Variants in PTPRD observed in about 807,000 individuals in gnomAD.
PTPRD encodes protein tyrosine phosphatase receptor type D, also known as receptor-type tyrosine-protein phosphatase delta.
In PTPRD, 34 loss-of-function variants were observed where a neutral mutation model predicts 214.5. The ratio of observed to expected loss-of-function variants is 0.16; its 90% CI spans 0.12 to 0.21. The LOEUF (loss-of-function observed/expected upper bound fraction) is 0.21. Ranked by LOEUF, PTPRD falls within the 10% of genes least tolerant of loss-of-function variation. The pLI is 1.00. For missense variants in PTPRD, 2,545 were observed against 2,398.7 expected (o/e 1.06, Z -1.27); for synonymous variants, 1,128 against 845.7 (o/e 1.33, Z -5.79).
chr9:10,505,619 G>C (rs1360895), intron 2 of PTPRD, among the ~76,000 whole-genome samples: 53,328 of 151,566 alleles, frequency 0.35, 9,511 homozygotes, highest in Middle Eastern at 0.4. Flanking sequence ...CATACCATGG[G>C]TTAAAGCAAG....
At chr9:9,560,152 G>A (rs889375077) in intron 8 of PTPRD, among the ~76,000 whole-genome samples, 9 of 152,192 alleles carry the variant, frequency 5.9e-5, no homozygotes, top group East Asian at 1.9e-4. Flanking sequence ...TCTCTCAGAC[G>A]TCTTGCACTA....
chr9:9,712,765 A>G (rs1048521646), intron 7 of PTPRD, among the ~76,000 whole-genome samples: 7 of 152,214 alleles, frequency 4.6e-5, no homozygotes, highest in Non-Finnish European at 8.8e-5. Flanking sequence ...TTAAAACTCA[A>G]TAATATGCCA....
At chr9:9,094,865 A>C (rs1314682684) in intron 10 of PTPRD, among the ~76,000 whole-genome samples, 1 of 152,202 alleles carries the variant, frequency 6.6e-6, no homozygotes, top group African/African-American at 2.4e-5. Context: ...AGGCAAAGAC[A>C]TCACAGGAAA....
chr9:9,187,538 C>G (rs1200161889), intron 9 of PTPRD, among the ~76,000 whole-genome samples: 1 of 151,922 alleles, frequency 6.6e-6, no homozygotes, highest in African/African-American at 2.4e-5. Context: ...GCTTGGCAAA[C>G]ATGTTAGATT....
At chr9:10,363,991 G>GTTTTTGTT (rs1555222212) in intron 2 of PTPRD, among the ~76,000 whole-genome samples, 732 of 35,098 alleles carry the variant, frequency 0.021, 124 homozygotes, top group Non-Finnish European at 0.032. Context: ...ACATTTTCGG[G>GTTTTTGTT]TTTTTTTTTT....
At chr9:8,500,507 C>T (rs528143665) in intron 24 of PTPRD, among the ~76,000 whole-genome samples, 28 of 114,722 alleles carry the variant, frequency 2.4e-4, no homozygotes, top group African/African-American at 8.9e-4. Flanking sequence ...CCATAGGAGC[C>T]AACAGTTCTT....
At chr9:8,567,855 G>A (rs1402236730) in intron 14 of PTPRD, among the ~76,000 whole-genome samples, 1 of 152,030 alleles carries the variant, frequency 6.6e-6, no homozygotes, top group East Asian at 1.9e-4. Context: ...TCAAGGCATA[G>A]GTCTTCAGAT....
rs554894956 is a variant in PTPRD, at chr9:9,784,094, G to A, written c.-367-17243C>T. Among the ~76,000 whole-genome samples, 28 of 152,168 alleles carry A rather than the reference G, an allele frequency of 1.8e-4. No individual in the cohort carries two copies. In the Middle Eastern group the frequency reaches 0.02, roughly 111 times the overall value. On this transcript the variant is annotated intron_variant, in intron 5 of 45. Coordinates refer to ENST00000381196, the MANE Select transcript of PTPRD (RefSeq NM_002839.4). Reference sequence around the variant, plus strand: ...ACAGATTTACAGAAAGCTAACACAAGTGCGAAAGATTTCCTATAAGATAAG... The same window carrying A: ...ACAGATTTACAGAAAGCTAACACAAATGCGAAAGATTTCCTATAAGATAAG...
chr9:9,912,581 A>G (rs1168512090), intron 5 of PTPRD, among the ~76,000 whole-genome samples: 1 of 152,208 alleles, frequency 6.6e-6, no homozygotes, highest in Admixed American at 6.5e-5. Flanking sequence ...AGAAAGCTGA[A>G]TAATATTAAA....
intron 4 of PTPRD, among the ~76,000 whole-genome samples, chr9:9,969,087 A>C (rs1030778666): frequency 1.3e-5 from 2 of 152,202 alleles, no homozygotes; most frequent in African/African-American, 4.8e-5. Flanking sequence ...CTTTGGTCCT[A>C]CGAAAGCATG....
intron 2 of PTPRD, among the ~76,000 whole-genome samples, chr9:10,465,662 C>G (rs1310099762): frequency 2.6e-5 from 4 of 152,178 alleles, no homozygotes; most frequent in Non-Finnish European, 4.4e-5. Context: ...CTACACTGTG[C>G]TACAATTCCC....
intron 10 of PTPRD, among the ~76,000 whole-genome samples, chr9:9,077,579 G>C (rs188943521): frequency 2.0e-5 from 3 of 151,994 alleles, no homozygotes; most frequent in Admixed American, 2.0e-4. Flanking sequence ...TTGATGTGAA[G>C]AGCCAGTTTT....
At chr9:8,504,949 T>C (rs2137282357) in intron 22 of PTPRD, among the ~76,000 whole-genome samples, 1 of 152,306 alleles carries the variant, frequency 6.6e-6, no homozygotes, top group East Asian at 1.9e-4. Context: ...TTGCCAAGTT[T>C]TAATGGGTAA....
chr9:9,301,396 T>C (rs938561483), intron 9 of PTPRD, among the ~76,000 whole-genome samples: 1 of 151,816 alleles, frequency 6.6e-6, no homozygotes, highest in Non-Finnish European at 1.5e-5. Context: ...AGCAGTTCTA[T>C]TCTAACAACG....
intron 3 of PTPRD, among the ~76,000 whole-genome samples, chr9:10,240,811 C>A (rs2099644870): frequency 6.6e-6 from 1 of 151,688 alleles, no homozygotes; most frequent in Non-Finnish European, 1.5e-5. Flanking sequence ...GTCTCTTAGA[C>A]AGGATTTTTG....
At chr9:9,794,501 A>G (rs1337524976) in intron 5 of PTPRD, among the ~76,000 whole-genome samples, 1 of 144,692 alleles carries the variant, frequency 6.9e-6, no homozygotes, top group African/African-American at 2.5e-5. Flanking sequence ...CATGGGGGGT[A>G]TATGTAGATG....
chr9:9,015,398 C>A (rs2099530548), intron 11 of PTPRD, among the ~76,000 whole-genome samples: 1 of 152,164 alleles, frequency 6.6e-6, no homozygotes, highest in Non-Finnish European at 1.5e-5. Flanking sequence ...CACTGCTACA[C>A]TCCCACCAGC....
chr9:9,639,228 G>C (rs1213157208), intron 7 of PTPRD, among the ~76,000 whole-genome samples: 3 of 152,228 alleles, frequency 2.0e-5, no homozygotes, highest in South Asian at 4.1e-4. Context: ...TAGATCCTAA[G>C]CTCCATGAAA....
intron 2 of PTPRD, among the ~76,000 whole-genome samples, chr9:10,562,877 A>G (rs772557528): frequency 1.6e-4 from 24 of 152,162 alleles, no homozygotes; most frequent in Non-Finnish European, 3.2e-4. Context: ...GCTTTGTAAA[A>G]TGATTTGTAG....
Sources: allele counts gnomAD v4.1 joint callset (sites outside exome capture counted in the v4.1 genomes callset), GRCh38; gene constraint gnomAD v4.1.1; transcripts MANE v1.5; gene names NCBI Gene and HGNC (gene_info 2026-07-23, HGNC 2026-07-21).